Variants in ATP8A2 observed in about 807,000 individuals in gnomAD.
ATP8A2 encodes the protein ATPase phospholipid transporting 8A2, also known as phospholipid-transporting ATPase IB.
A neutral mutation model predicts 165.6 loss-of-function variants in ATP8A2; 100 were observed. That is an observed-to-expected ratio of 0.60 (90% CI 0.51 to 0.71). The LOEUF (loss-of-function observed/expected upper bound fraction) is 0.71. Ranked by LOEUF, ATP8A2 falls within the 30% of genes least tolerant of loss-of-function variation. The probability of loss-of-function intolerance (pLI) is 0.00; values close to 1 mark genes in which losing one functional copy is unlikely to be tolerated. For synonymous variants in ATP8A2, 543 were observed against 548.8 expected (o/e 0.99, Z 0.15); for missense variants, 1,227 against 1,479.5 (o/e 0.83, Z 2.80).
At chr13:25,811,411 T>C (rs932514056) in intron 27 of ATP8A2, among the ~76,000 whole-genome samples, 14 of 152,182 alleles carry the variant, frequency 9.2e-5, no homozygotes, top group African/African-American at 3.1e-4. Flanking sequence ...TATTTAAAAG[T>C]TATAGAAGCT....
In ATP8A2 at chr13:25,772,730, TAA is replaced by T. The variant is rs1491097184; in HGVS notation, c.2569-2118_2569-2117del. On this transcript the variant is annotated intron_variant, in intron 26 of 36. Transcript: ENST00000381655. ...TTTTCTATTGAGAGTTACATTTAATTAATTAATTTATTTATTTATTTATTTAT... is the reference window on the plus strand; with the variant it reads ...TTTTCTATTGAGAGTTACATTTAATTTTAATTTATTTATTTATTTATTTAT... Among the ~76,000 whole-genome samples, 177 of 151,102 alleles carry T rather than the reference TAA, an allele frequency of 1.2e-3. 1 individual carries two copies. The highest frequency in any genetic ancestry group is 4.1e-3 in the African/African-American group (168 of 41,308).
chr13:26,025,587 G>GA lies in ATP8A2; in HGVS notation c.*5602_*5603insA, dbSNP rs1422218762. 4 of 151,988 alleles carry GA rather than the reference G, an allele frequency of 2.6e-5. No homozygotes were observed. Among genetic ancestry groups the GA allele is most frequent in the African/African-American group, 9.7e-5 (4 of 41,334 alleles). 9.4% of individuals were successfully genotyped at this position (151,988 alleles called of 1,614,324 possible). On this transcript the variant is annotated 3_prime_UTR_variant, in exon 37 of 37. Transcript: ENST00000381655. ...TTAATTGGCTCCCAGCAGCGTGGGG[G>GA]GTGCTTCTATGGTGTGTGGGGTTTT...
intron 33 of ATP8A2, among the ~76,000 whole-genome samples, chr13:25,948,269 A>G (rs1005995829): frequency 2.0e-5 from 3 of 151,488 alleles, no homozygotes; most frequent in Non-Finnish European, 4.4e-5. Flanking sequence ...ATCATCACAC[A>G]TCATCGCTGG....
chr13:25,598,422 T>C (rs1019848440), intron 24 of ATP8A2, among the ~76,000 whole-genome samples: 1 of 152,136 alleles, frequency 6.6e-6, no homozygotes, highest in Admixed American at 6.6e-5. Context: ...TTTCCGAAAA[T>C]TTATGTGTGG....
chr13:25,777,198 A>G (rs1049687029), intron 27 of ATP8A2, among the ~76,000 whole-genome samples: 2 of 152,080 alleles, frequency 1.3e-5, no homozygotes, highest in African/African-American at 4.8e-5. Flanking sequence ...TCCATGCCCA[A>G]TTTTCTATTT....
intron 25 of ATP8A2, among the ~76,000 whole-genome samples, chr13:25,707,592 T>C (rs1593228746): frequency 6.6e-6 from 1 of 152,222 alleles, no homozygotes; most frequent in East Asian, 1.9e-4. Flanking sequence ...GCTTGTCAGC[T>C]ATGAGCAACT....
chr13:25,677,547 G>C (rs1403852879), intron 24 of ATP8A2, among the ~76,000 whole-genome samples: 1 of 152,186 alleles, frequency 6.6e-6, no homozygotes, highest in Non-Finnish European at 1.5e-5. Flanking sequence ...TCTGAAGAAG[G>C]CATGGCACTT....
intron 24 of ATP8A2, among the ~76,000 whole-genome samples, chr13:25,621,275 T>A (rs1013127576): frequency 6.6e-6 from 1 of 152,214 alleles, no homozygotes; most frequent in African/African-American, 2.4e-5. Context: ...GAAATCTACA[T>A]AAGTGTGTTA....
At chr13:25,638,827 A>G (rs1350350886) in intron 24 of ATP8A2, among the ~76,000 whole-genome samples, 1 of 152,168 alleles carries the variant, frequency 6.6e-6, no homozygotes, top group Non-Finnish European at 1.5e-5. Context: ...AGTTGAAATG[A>G]AGGAAAAAAT....
intron 33 of ATP8A2, among the ~76,000 whole-genome samples, chr13:25,900,690 C>CA (rs1183694670): frequency 1.3e-5 from 2 of 152,094 alleles, no homozygotes; most frequent in South Asian, 2.1e-4. Context: ...TCTCCTTGGC[C>CA]AAGAGGGGGT....
chr13:25,862,471 C>T (rs947912232), intron 33 of ATP8A2, 63 bp downstream of exon 33: 21 of 1,301,866 alleles, frequency 1.6e-5, no homozygotes, highest in South Asian at 9.5e-5. Context: ...TCTCCATGGG[C>T]GGGTGAGCAG....
chr13:25,558,543 G>T (rs955558367), intron 13 of ATP8A2, among the ~76,000 whole-genome samples: 8 of 152,010 alleles, frequency 5.3e-5, no homozygotes, highest in African/African-American at 1.9e-4. Context: ...CAGTTCTCTG[G>T]GATCTCTGGA....
At chr13:25,414,157 C>T (rs61947565) in intron 1 of ATP8A2, among the ~76,000 whole-genome samples, 40 of 150,898 alleles carry the variant, frequency 2.7e-4, no homozygotes, top group Non-Finnish European at 3.8e-4. Context: ...CACTTGACTC[C>T]GTGACTATCT....
chr13:25,594,336 A>G (rs1193399510), intron 24 of ATP8A2, among the ~76,000 whole-genome samples: 1 of 152,260 alleles, frequency 6.6e-6, no homozygotes, highest in East Asian at 1.9e-4. Context: ...AATAATATAG[A>G]GAACGCAGTG....
chr13:25,688,754 G>A (rs569345641), intron 24 of ATP8A2, among the ~76,000 whole-genome samples: 102 of 152,312 alleles, frequency 6.7e-4, no homozygotes, highest in Non-Finnish European at 1.3e-3. Context: ...CAAGAACCAC[G>A]CCCTGTGGGC....
At chr13:25,641,410 C>G (rs1471935578) in intron 24 of ATP8A2, among the ~76,000 whole-genome samples, 2 of 152,192 alleles carry the variant, frequency 1.3e-5, no homozygotes, top group Admixed American at 1.3e-4. Context: ...AGCAAAGTCT[C>G]AGGATACAAA....
chr13:26,006,309 A>C (rs1282853811), intron 35 of ATP8A2, among the ~76,000 whole-genome samples: 1 of 151,916 alleles, frequency 6.6e-6, no homozygotes. Flanking sequence ...TTCTTATCAG[A>C]TTGTACATTG....
chr13:25,978,939 CA>C (rs534172122), intron 35 of ATP8A2, among the ~76,000 whole-genome samples: 17 of 142,690 alleles, frequency 1.2e-4, no homozygotes, highest in African/African-American at 1.8e-4. Flanking sequence ...GACTACGGCT[CA>C]AAAAAAAAAG....
intron 24 of ATP8A2, among the ~76,000 whole-genome samples, chr13:25,591,634 G>A (rs1045963440): frequency 1.3e-4 from 19 of 149,288 alleles, no homozygotes; most frequent in Middle Eastern, 6.8e-3. Context: ...TGCCAGGTTG[G>A]AGTGCTGTGC....
Sources: allele counts gnomAD v4.1 joint callset (sites outside exome capture counted in the v4.1 genomes callset), GRCh38; gene constraint gnomAD v4.1.1; transcripts MANE v1.5; gene names NCBI Gene and HGNC (gene_info 2026-07-23, HGNC 2026-07-21).